Variants in SRCIN1 observed in about 807,000 individuals in gnomAD.
SRCIN1 encodes the protein P130Cas-associated protein.
SRCIN1 carries 50 observed loss-of-function variants against 116.2 expected under a neutral mutation model. The observed-to-expected ratio is 0.43, with a 90% CI of 0.34 to 0.54. The LOEUF (loss-of-function observed/expected upper bound fraction) is 0.54. Among genes scored for constraint, SRCIN1 ranks in the 20% least tolerant of loss-of-function variants. The pLI is 0.02. For synonymous variants in SRCIN1, 736 were observed against 750.0 expected, an observed-to-expected ratio of 0.98 and a Z score of 0.30; for missense variants, 1,446 against 1,672.0, an observed-to-expected ratio of 0.86 and a Z score of 2.36.
At chr17:38,547,685 TG>T in intron 17 of SRCIN1, 1 of 277,816 alleles carries the variant, frequency 3.6e-6, no homozygotes. Flanking sequence ...CGGGTTAGCG[TG>T]GGAGGTGAGG....
intron 1 of SRCIN1, among the ~76,000 whole-genome samples, chr17:38,600,662 CTGGAGGGT>C (rs1908969066): frequency 6.6e-6 from 1 of 152,214 alleles, no homozygotes; most frequent in Non-Finnish European, 1.5e-5. Context: ...CTAGCAGGCC[CTGGAGGGT>C]GCACAGCCTC....
chr17:38,604,719 GC>G lies in SRCIN1; in HGVS notation c.22+964del, dbSNP rs1567890343. 3.3e-6 allele frequency: 1 copy of G among 305,096 alleles called. No individual in the cohort carries two copies. The highest frequency in any genetic ancestry group is 2.4e-5 in the South Asian group (1 of 41,998). 18.9% of individuals were successfully genotyped at this position (305,096 alleles called of 1,614,324 possible). A position where few individuals can be genotyped will look rare whatever the true frequency, so the allele number is the denominator to read the frequency against. Reference sequence around the variant, plus strand: ...CCTCTGCTTCCACCAGCATCCTGCTGCCCCCACCGACAGGACTCGGAGCTGG... The same window carrying G: ...CCTCTGCTTCCACCAGCATCCTGCTGCCCCACCGACAGGACTCGGAGCTGG... On this transcript the variant is annotated intron_variant, in intron 1 of 18. Coordinates refer to ENST00000617146, the MANE Select transcript of SRCIN1 (RefSeq NM_025248.3). This position sits in a 1 kb window ranked among gnomAD's most constrained non-coding sequence, Gnocchi z 4.3.
intron 17 of SRCIN1, chr17:38,545,338 G>A (rs1905013500): frequency 6.5e-6 from 1 of 152,778 alleles, no homozygotes; most frequent in Non-Finnish European, 1.5e-5. Context: ...CTGAGGTCTT[G>A]GGGTGGGAGC....
At chr17:38,549,876 G>T (rs1905275255) in intron 15 of SRCIN1, among the ~76,000 whole-genome samples, 1 of 152,172 alleles carries the variant, frequency 6.6e-6, no homozygotes, top group African/African-American at 2.4e-5. Context: ...TTCAGGCCAT[G>T]CCACACACAC....
At chr17:38,561,363 T>A in intron 7 of SRCIN1, 100 bp downstream of exon 7, 2 of 1,325,408 alleles carry the variant, frequency 1.5e-6, no homozygotes, top group Non-Finnish European at 2.0e-6. Context: ...GACTCCAGGA[T>A]CTCAGTCCAG....
intron 18 of SRCIN1, chr17:38,543,141 AAG>A (rs1904854645): frequency 4.4e-6 from 2 of 456,488 alleles, no homozygotes; most frequent in African/African-American, 4.0e-5. Flanking sequence ...TTAGACCTGA[AAG>A]AGATTGCGGC....
intron 2 of SRCIN1, among the ~76,000 whole-genome samples, chr17:38,569,880 G>C (rs929173166): frequency 3.3e-5 from 5 of 152,240 alleles, no homozygotes; most frequent in Admixed American, 3.3e-4. Flanking sequence ...GGAAGGGGAG[G>C]GGTAGCAGAG....
At position 38,563,805 on chromosome 17, in the gene SRCIN1, G is replaced by C; in HGVS notation, c.542-284C>G. On this transcript the variant is annotated intron_variant, in intron 4 of 18. Coordinates refer to ENST00000617146, the MANE Select transcript of SRCIN1 (RefSeq NM_025248.3). This position sits in a 1 kb window ranked among gnomAD's most constrained non-coding sequence, Gnocchi z 5.8. The stretch of plus-strand genomic sequence containing the variant: ...GAGCAGGTGGGGCGGAAACTGAGGG[G>C]AAGTGAGCTGAGGGAGAGAGAGGTT... 1.5e-6 allele frequency: 1 copy of C among 645,344 alleles called. No individual in the cohort carries two copies. Among genetic ancestry groups the C allele is most frequent in the Non-Finnish European group, 2.8e-6 (1 of 363,130 alleles). 40.0% of individuals were successfully genotyped at this position (645,344 alleles called of 1,614,324 possible). A position where few individuals can be genotyped will look rare whatever the true frequency, so the allele number is the denominator to read the frequency against.
intron 18 of SRCIN1, among the ~76,000 whole-genome samples, chr17:38,538,602 G>A (rs1005230267): frequency 1.6e-4 from 25 of 152,006 alleles, no homozygotes; most frequent in Non-Finnish European, 2.6e-4. Context: ...TTGAATCAGG[G>A]TTCCTGTTCC....
chr17:38,587,618 A>C (rs954807875), intron 1 of SRCIN1, among the ~76,000 whole-genome samples: 4 of 151,786 alleles, frequency 2.6e-5, no homozygotes, highest in African/African-American at 9.7e-5. Flanking sequence ...CCACGATGCC[A>C]CTTCCCAGAA....
chr17:38,582,329 G>T (rs534226034), intron 1 of SRCIN1, among the ~76,000 whole-genome samples: 1 of 152,148 alleles, frequency 6.6e-6, no homozygotes, highest in Non-Finnish European at 1.5e-5. Flanking sequence ...GGAGTGGGAG[G>T]GTCCCCAGGT....
chr17:38,596,183 C>T lies in SRCIN1; in HGVS notation c.22+9501G>A, dbSNP rs190283719. On this transcript the variant is annotated intron_variant, in intron 1 of 18. Coordinates refer to ENST00000617146, the MANE Select transcript of SRCIN1 (RefSeq NM_025248.3). The stretch of plus-strand genomic sequence containing the variant: ...TCGTGAATGAATGCCCAGAAAGGCC[C>T]GGCTGCAGAGGAGCTGGAGAGAGGA... Among the ~76,000 whole-genome samples the T allele has an allele frequency of 1.2e-3, 181 of 152,268 alleles. 2 individuals are homozygous for T. Among genetic ancestry groups the T allele is most frequent in the South Asian group, 3.9e-3 (19 of 4,824 alleles).
Position 38,564,131 on chromosome 17 carries a change from C to A in SRCIN1, c.528G>T (p.Lys176Asn). ...LPLSRSASQTKLRSPGVLFLQ... is the reference protein window; with the variant it reads ...LPLSRSASQTNLRSPGVLFLQ... ...GGCGGGCAGTACCTGGGGAGCGCAG[C>A]TTGGTCTGGCTGGCCGAGCGGGAGA... The change falls in exon 4 of 19, where the codon AAG becomes AAT. Residue 176 changes from lysine to asparagine, a missense_variant. Physicochemically the swap from Lys to Asn is moderately conservative, Grantham distance 94. Transcript: ENST00000617146. The A allele has an allele frequency of 6.3e-7, 1 of 1,599,578 alleles. No homozygotes were observed. Among genetic ancestry groups the A allele is most frequent in the Non-Finnish European group, 8.5e-7 (1 of 1,173,948 alleles).
Position 38,568,926 on chromosome 17 carries a change from TG to T in SRCIN1, c.325-696del, listed in dbSNP as rs1906893353. Among the ~76,000 whole-genome samples the T allele has an allele frequency of 2.2e-5, 1 of 45,938 alleles. No homozygotes were observed. The highest frequency in any genetic ancestry group is 4.3e-5 in the Non-Finnish European group (1 of 23,052). 30.1% of individuals were successfully genotyped at this position (45,938 alleles called of 152,430 possible). A position where few individuals can be genotyped will look rare whatever the true frequency, so the allele number is the denominator to read the frequency against. On this transcript the variant is annotated intron_variant, in intron 2 of 18. Transcript: ENST00000617146. This position sits in a 1 kb window ranked among gnomAD's most constrained non-coding sequence, Gnocchi z 4.5. ...GGTGGATGGGGTGGATCAGGATGGATGGGGCAGGGGTCGGAGGAGGGGGGCT... is the reference window on the plus strand; with the variant it reads ...GGTGGATGGGGTGGATCAGGATGGATGGGCAGGGGTCGGAGGAGGGGGGCT...
intron 3 of SRCIN1, among the ~76,000 whole-genome samples, chr17:38,564,934 A>G (rs2143219174): frequency 6.6e-6 from 1 of 152,186 alleles, no homozygotes; most frequent in African/African-American, 2.4e-5. Flanking sequence ...ATTTGAGACG[A>G]CCTGCCCAGT....
chr17:38,545,627 A>G (rs1287507596), intron 17 of SRCIN1, among the ~76,000 whole-genome samples: 3 of 152,136 alleles, frequency 2.0e-5, no homozygotes, highest in African/African-American at 7.2e-5. Context: ...CAAAATTGGG[A>G]CCAGAATTCA....
At chr17:38,595,438 G>T (rs556006819) in intron 1 of SRCIN1, among the ~76,000 whole-genome samples, 1 of 152,132 alleles carries the variant, frequency 6.6e-6, no homozygotes, top group East Asian at 1.9e-4. Flanking sequence ...GGCTGGTCTC[G>T]AACTCCTGAC....
chr17:38,565,339 A>C (rs1251184948), intron 3 of SRCIN1, among the ~76,000 whole-genome samples: 1 of 152,244 alleles, frequency 6.6e-6, no homozygotes, highest in East Asian at 1.9e-4. Context: ...ATTCCATGTT[A>C]TGTGCATTAT....
chr17:38,578,895 G>A, intron 1 of SRCIN1, 104 bp from the exon 2 acceptor site: 1 of 1,318,718 alleles, frequency 7.6e-7, no homozygotes, highest in Non-Finnish European at 1.0e-6. Flanking sequence ...CTGGGCCTAA[G>A]GAGAGTGGAG....
Sources: gnomAD v4.1 joint callset for allele counts (sites outside exome capture counted in the v4.1 genomes callset) on GRCh38, gnomAD v4.1.1 for gene constraint, Gnocchi (gnomAD v3.1) non-coding constraint, MANE v1.5 for transcripts, NCBI Gene and HGNC (gene_info 2026-07-23, HGNC 2026-07-21) for gene names.